Variants in MICALL2 observed in about 807,000 individuals in gnomAD.
The protein encoded by MICALL2 is MICAL-like protein 2.
In MICALL2, 111 loss-of-function variants were observed where a neutral mutation model predicts 91.1. The observed-to-expected ratio is 1.22, with a 90% CI of 1.04 to 1.43. The LOEUF (loss-of-function observed/expected upper bound fraction) is 1.43. Ranked by LOEUF, MICALL2 falls within the 40% of genes most tolerant of loss-of-function variation. MICALL2 has a pLI of 0.00. For synonymous variants in MICALL2, 694 were observed against 525.3 expected, an observed-to-expected ratio of 1.32 and a Z score of -4.39; for missense variants, 1,556 against 1,236.0, an observed-to-expected ratio of 1.26 and a Z score of -3.88.
rs1780829262 is a variant in MICALL2 at position 1,451,555 on chromosome 7, G to A, written c.144-1267C>T. Among the ~76,000 whole-genome samples, 1 of 152,196 alleles carries A rather than the reference G, an allele frequency of 6.6e-6. No homozygotes were observed. Among genetic ancestry groups the A allele is most frequent in the Admixed American group, 6.5e-5 (1 of 15,282 alleles). Reference sequence around the variant, plus strand: ...CGTCTGTCCACGTTGCTGCCTGTGGGGTCCCGGACAGCAGCTGCTGCCATG... The same window carrying A: ...CGTCTGTCCACGTTGCTGCCTGTGGAGTCCCGGACAGCAGCTGCTGCCATG... On this transcript the variant is annotated intron_variant, in intron 1 of 16. Coordinates refer to ENST00000297508, the MANE Select transcript of MICALL2 (RefSeq NM_182924.4). The surrounding 1 kb of genome is among the most constrained non-coding windows in gnomAD (Gnocchi z 4.5).
Position 1,434,459 on chromosome 7 carries a change from T to G in MICALL2, c.*137A>C. ...GTAGGGACAGGAGGCCCTTCCCGAG[T>G]CCAAGTCCGAATGCCGGGTCCGGGC... On this transcript the variant is annotated 3_prime_UTR_variant, in exon 17 of 17. Coordinates refer to ENST00000297508, the MANE Select transcript of MICALL2 (RefSeq NM_182924.4). The G allele has an allele frequency of 1.3e-6, 1 of 769,708 alleles. No homozygotes were observed. The highest frequency in any genetic ancestry group is 2.3e-6 in the Non-Finnish European group (1 of 436,554). 47.7% of individuals were successfully genotyped at this position (769,708 alleles called of 1,614,324 possible).
In MICALL2 at chr7:1,448,640, T is replaced by C. The variant is rs1780700917; in HGVS notation, c.314A>G (p.Tyr105Cys). Residue 105 changes from tyrosine to cysteine, a missense_variant, in exon 3 of 17, where the codon TAC becomes TGC. Transcript: ENST00000297508. The part of the protein sequence containing the change: ...ILTYVSQYYN[Y>C]FHGRSPIGGM... ...CTCACTGGGGGAGCGGCCGTGGAAGTAGTTGTAATACTGGGACACGTAGGT... is the reference window on the plus strand; with the variant it reads ...CTCACTGGGGGAGCGGCCGTGGAAGCAGTTGTAATACTGGGACACGTAGGT... The C allele has an allele frequency of 1.9e-6, 3 of 1,612,334 alleles. No individual in the cohort carries two copies. Among genetic ancestry groups the C allele is most frequent in the African/African-American group, 2.7e-5 (2 of 74,832 alleles).
chr7:1,440,705 C>A (rs1441489359), intron 7 of MICALL2, 21 bp from the exon 8 acceptor site: 1 of 1,602,384 alleles, frequency 6.2e-7, no homozygotes, highest in South Asian at 1.1e-5. Flanking sequence ...GGCAAGGGGT[C>A]TGGGTGTGAG....
intron 9 of MICALL2, chr7:1,439,604 T>TAACA (rs144903350): frequency 5.0e-4 from 147 of 291,384 alleles, no homozygotes; most frequent in Admixed American, 6.9e-4. Context: ...TACACATGCA[T>TAACA]CACACATCAC....
Position 1,442,204 on chromosome 7 carries a change from T to C in MICALL2, c.1699A>G (p.Thr567Ala), listed in dbSNP as rs1309914208. 1.1e-5 allele frequency: 17 copies of C among 1,612,450 alleles called. No homozygotes were observed. The highest frequency in any genetic ancestry group is 2.7e-5 in the African/African-American group (2 of 74,894). Residue 567 changes from threonine to alanine, a missense_variant, in exon 7 of 17, where the codon ACC (threonine) becomes GCC (alanine). Coordinates refer to ENST00000297508, the MANE Select transcript of MICALL2 (RefSeq NM_182924.4). ...GCCCCTTACTCACCCTGCGTTAAGG[T>C]GGTGCTTTTACCCTTTGCCATCGGG... is the stretch of plus-strand genomic sequence containing the variant. ...EAPMAKGKST[T>A]LTQDMSTSLQ... is the part of the protein sequence containing the mutation.
chr7:1,440,885 T>C, intron 7 of MICALL2: 1 of 569,766 alleles, frequency 1.8e-6, no homozygotes, highest in Non-Finnish European at 3.2e-6. Context: ...CTGTGCTGTG[T>C]GTCCCTGGGG....
At position 1,436,725 on chromosome 7, in the gene MICALL2, CG is replaced by C; in HGVS notation, c.2591+16del. On this transcript the variant is annotated intron_variant, in intron 15 of 16. Coordinates refer to ENST00000297508, the MANE Select transcript of MICALL2 (RefSeq NM_182924.4). ...ACCTGGCCTGGCTGGGAGGGGCCCC[CG>C]GCACCTGCCCCTCACCGGAGCCGGT... 1.3e-6 allele frequency: 2 copies of C among 1,586,742 alleles called. No individual in the cohort carries two copies. The highest frequency in any genetic ancestry group is 2.3e-5 in the East Asian group (1 of 44,062).
intron 1 of MICALL2, among the ~76,000 whole-genome samples, chr7:1,458,067 CT>C (rs1180445790): frequency 2.0e-5 from 3 of 152,270 alleles, no homozygotes; most frequent in East Asian, 1.9e-4. Context: ...ATGGAAGCCC[CT>C]GGTGGCTCCA....
chr7:1,435,478 C>T (rs1214447032), intron 15 of MICALL2, among the ~76,000 whole-genome samples: 2 of 152,010 alleles, frequency 1.3e-5, no homozygotes, highest in Non-Finnish European at 2.9e-5. Flanking sequence ...GCCGACCACA[C>T]CGGTGACCTG....
At chr7:1,441,953 G>A (rs749410970) in intron 7 of MICALL2, 9 of 572,328 alleles carry the variant, frequency 1.6e-5, no homozygotes, top group African/African-American at 3.8e-5. Flanking sequence ...CAGGACGTGC[G>A]GATGGGGTGG....
In MICALL2 at chr7:1,448,518, G is replaced by GC. The variant is rs1562463865; in HGVS notation, c.334+101_334+102insG. 3 of 1,084,078 alleles carry GC rather than the reference G, an allele frequency of 2.8e-6. No homozygotes were observed. The African/African-American group carries it at 4.7e-5, about 17-fold the overall frequency. The allele number at this position is 1,084,078 out of a possible 1,614,324, so 67.2% of individuals were successfully genotyped here. ...CCCATGCCAGGGGCCATTCTTGGGGGGGGGGCTGGGCATGGACCCCAAAAA... is the reference window on the plus strand; with the variant it reads ...CCCATGCCAGGGGCCATTCTTGGGGGCGGGGGCTGGGCATGGACCCCAAAAA... On this transcript the variant is annotated intron_variant, in intron 3 of 16. Transcript: ENST00000297508.
At position 1,436,742 on chromosome 7, in the gene MICALL2, C is replaced by G. The variant is rs140492528; in HGVS notation, c.2591G>C (p.Arg864Pro). ...IVDSLDEDRL[R>P]EQEEDQMLRD... ...GGGGCCCCCGGCACCTGCCCCTCAC[C>G]GGAGCCGGTCCTCGTCCAGCGAGTC... Residue 864 changes from arginine (R) to proline (P), a missense_variant and splice_region_variant, in exon 15 of 17, where the codon CGG becomes CCG. Transcript: ENST00000297508. The G allele has an allele frequency of 2.5e-6, 4 of 1,601,740 alleles. No individual in the cohort carries two copies. Among genetic ancestry groups the G allele is most frequent in the South Asian group, 1.1e-5 (1 of 90,248 alleles).
Position 1,437,619 on chromosome 7 carries a change from G to T in MICALL2, c.2403-11C>A. The T allele has an allele frequency of 6.5e-7, 1 of 1,539,216 alleles. No homozygotes were observed. The highest frequency in any genetic ancestry group is 8.7e-7 in the Non-Finnish European group (1 of 1,146,160). ...CGCTGGGCCTTGGACCTGCCGCACA[G>T]ACACGCGTCTGAGGCCTGACTCTGC... On this transcript the variant is annotated splice_polypyrimidine_tract_variant and intron_variant, in intron 13 of 16. Transcript: ENST00000297508.
At chr7:1,435,846 T>G (rs1422887751) in intron 15 of MICALL2, among the ~76,000 whole-genome samples, 1 of 150,830 alleles carries the variant, frequency 6.6e-6, no homozygotes, top group African/African-American at 2.4e-5. Context: ...CGAGGTCAGA[T>G]CGAGACCATC....
At chr7:1,445,848 G>C (rs1039326375) in intron 5 of MICALL2, among the ~76,000 whole-genome samples, 2 of 152,082 alleles carry the variant, frequency 1.3e-5, no homozygotes, top group African/African-American at 4.8e-5. Flanking sequence ...TGCAGAGCTG[G>C]GGACAGAAGT....
Position 1,435,096 on chromosome 7 carries a change from G to C in MICALL2, c.2638+5C>G, listed in dbSNP as rs377426816. The stretch of plus-strand genomic sequence containing the variant: ...CCCAGCCCTCAGCATCCCCGGCCCA[G>C]TCACCCAGCTTCTCAATCATGTCCC... On this transcript the variant is annotated splice_donor_5th_base_variant and intron_variant, in intron 16 of 16. Transcript: ENST00000297508. The C allele has an allele frequency of 1.2e-6, 2 of 1,611,826 alleles. No individual in the cohort carries two copies. Among genetic ancestry groups the C allele is most frequent in the Non-Finnish European group, 1.7e-6 (2 of 1,179,532 alleles).
Position 1,438,947 on chromosome 7 carries a change from C to G in MICALL2, c.2015G>C (p.Ser672Thr), listed in dbSNP as rs755759757. The G allele has an allele frequency of 6.2e-7, 1 of 1,604,382 alleles. No individual in the cohort carries two copies. Among genetic ancestry groups the G allele is most frequent in the Non-Finnish European group, 8.5e-7 (1 of 1,179,412 alleles). ...AAGCCAGTTGTCACAAACGTCGAGG[C>G]TGGCAGGGACGGCCAGTCTCCTGCG... Reference protein sequence around the residue: ...PRRRRLAVPASLDVCDNWLRP... With the variant: ...PRRRRLAVPATLDVCDNWLRP... Residue 672 changes from serine to threonine, a missense_variant, in exon 10 of 17, where the codon AGC becomes ACC. Transcript: ENST00000297508.
At chr7:1,438,460 G>T in intron 10 of MICALL2, 107 bp from the exon 11 acceptor site, 1 of 1,501,072 alleles carries the variant, frequency 6.7e-7, no homozygotes, top group Non-Finnish European at 8.9e-7. Context: ...GCTGGCCCCA[G>T]CCCTGCCTCC....
intron 8 of MICALL2, 74 bp from the exon 9 acceptor site, chr7:1,440,159 C>A (rs1780210435): frequency 6.6e-7 from 1 of 1,525,242 alleles, no homozygotes; most frequent in Admixed American, 2.4e-5. Context: ...GGCTCCCAGG[C>A]CATATGCAGA....
Sources: gnomAD v4.1 joint callset for allele counts (sites outside exome capture counted in the v4.1 genomes callset) on GRCh38, gnomAD v4.1.1 for gene constraint, Gnocchi (gnomAD v3.1) non-coding constraint, MANE v1.5 for transcripts, NCBI Gene and HGNC (gene_info 2026-07-23, HGNC 2026-07-21) for gene names.